The following METTL25 variants were observed in gnomAD, a reference collection of about 807,000 sequenced individuals.
The protein encoded by METTL25 is probable methyltransferase-like protein 25.
In METTL25, 64 loss-of-function variants were observed where a neutral mutation model predicts 71.6. That is an observed-to-expected ratio of 0.89 (90% confidence interval 0.73 to 1.10). The LOEUF is 1.10. METTL25 is among the 50% of genes least tolerant of loss of function. METTL25 has a pLI of 0.00. For synonymous variants in METTL25, 287 were observed against 250.3 expected (o/e 1.15, Z -1.38); for missense variants, 807 against 707.0 (o/e 1.14, Z -1.60).
chr12:82,384,374 G>GCTCT (rs57771205), intron 1 of METTL25, among the ~76,000 whole-genome samples: 4,145 of 134,246 alleles, frequency 0.031, 74 homozygotes, highest in East Asian at 0.081. Flanking sequence ...ATCATAAACA[G>GCTCT]CTCTCTCTCT....
chr12:82,427,918 A>G (rs963753746), intron 5 of METTL25, among the ~76,000 whole-genome samples: 2 of 151,984 alleles, frequency 1.3e-5, no homozygotes, highest in African/African-American at 2.4e-5. Flanking sequence ...AACAAGACAC[A>G]GGGACATTTA....
chr12:82,361,999 G>C (rs1380755111), intron 1 of METTL25, among the ~76,000 whole-genome samples: 1 of 152,226 alleles, frequency 6.6e-6, no homozygotes, highest in East Asian at 1.9e-4. Context: ...TTTGTGAGGA[G>C]TTACAAGTAA....
intron 2 of METTL25, 25 bp from the exon 3 acceptor site, chr12:82,389,791 C>A (rs2136958652): frequency 7.5e-7 from 1 of 1,326,876 alleles, no homozygotes; most frequent in Non-Finnish European, 1.1e-6. Flanking sequence ...TCTTTAATAG[C>A]AGTTTTTACT....
At chr12:82,380,045 T>G (rs1173817233) in intron 1 of METTL25, among the ~76,000 whole-genome samples, 3 of 152,214 alleles carry the variant, frequency 2.0e-5, no homozygotes, top group Admixed American at 2.0e-4. Flanking sequence ...TTTGGAAAGT[T>G]GATCCAATTG....
intron 1 of METTL25, among the ~76,000 whole-genome samples, chr12:82,371,970 G>A (rs1371939144): frequency 6.6e-6 from 1 of 152,116 alleles, no homozygotes; most frequent in African/African-American, 2.4e-5. Flanking sequence ...TACTGGGGAC[G>A]GCTTGCTGAC....
chr12:82,382,912 G>C (rs537917780), intron 1 of METTL25, among the ~76,000 whole-genome samples: 6 of 152,102 alleles, frequency 3.9e-5, no homozygotes, highest in Non-Finnish European at 7.4e-5. Flanking sequence ...GTCTTGCTAT[G>C]TTGCCCAGGC....
At chr12:82,424,240 T>C (rs1397093935) in intron 5 of METTL25, among the ~76,000 whole-genome samples, 2 of 152,154 alleles carry the variant, frequency 1.3e-5, no homozygotes, top group East Asian at 1.9e-4. Flanking sequence ...TTTGTAGGGA[T>C]ATGGATGAAG....
Position 82,460,882 on chromosome 12 carries a change from G to T in METTL25, c.1572+4062G>T, listed in dbSNP as rs147261235. Among the ~76,000 whole-genome samples the T allele has an allele frequency of 4.4e-3, 670 of 152,300 alleles. 8 individuals are homozygous for T. Among genetic ancestry groups the T allele is most frequent in the African/African-American group, 0.015 (629 of 41,572 alleles). The stretch of plus-strand genomic sequence containing the variant: ...TTGTAGGCCGGGCGCGGTAGCTCAC[G>T]CCTGTAATCCCAGCACTTTGGGAGG... On this transcript the variant is annotated intron_variant, in intron 9 of 11. Transcript: ENST00000248306.
intron 8 of METTL25, among the ~76,000 whole-genome samples, chr12:82,452,410 G>T (rs1891214355): frequency 6.6e-6 from 1 of 152,184 alleles, no homozygotes; most frequent in Admixed American, 6.5e-5. Context: ...GGCTGAAGCA[G>T]GAGAATCACT....
At chr12:82,433,447 A>G (rs76100615) in intron 6 of METTL25, among the ~76,000 whole-genome samples, 1 of 151,642 alleles carries the variant, frequency 6.6e-6, no homozygotes, top group Non-Finnish European at 1.5e-5. Context: ...ACTTGGCTGT[A>G]GATGTTCAGT....
At chr12:82,430,818 C>A in intron 5 of METTL25, 75 bp from the exon 6 acceptor site, 1 of 784,122 alleles carries the variant, frequency 1.3e-6, no homozygotes, top group South Asian at 1.8e-5. Context: ...GATTTGCTTT[C>A]TTGGTAGATT....
At chr12:82,455,406 C>G (rs1050333378) in intron 8 of METTL25, among the ~76,000 whole-genome samples, 1 of 151,802 alleles carries the variant, frequency 6.6e-6, no homozygotes, top group Non-Finnish European at 1.5e-5. Context: ...TTTCTGCCTT[C>G]TGGAACCTAT....
At chr12:82,367,982 T>A (rs1356712364) in intron 1 of METTL25, among the ~76,000 whole-genome samples, 3 of 152,146 alleles carry the variant, frequency 2.0e-5, no homozygotes, top group Non-Finnish European at 2.9e-5. Flanking sequence ...GAATCCTAAT[T>A]CTTGTCTGAA....
intron 9 of METTL25, among the ~76,000 whole-genome samples, chr12:82,473,563 G>A (rs565978157): frequency 2.6e-5 from 4 of 152,298 alleles, no homozygotes; most frequent in East Asian, 3.9e-4. Context: ...GGGGCAGCCT[G>A]TAGGGCTGTT....
chr12:82,372,149 G>T (rs950008561), intron 1 of METTL25, among the ~76,000 whole-genome samples: 1 of 152,250 alleles, frequency 6.6e-6, no homozygotes, highest in Non-Finnish European at 1.5e-5. Flanking sequence ...CTAAAGGTTT[G>T]CCCTAGACCC....
chr12:82,406,902 G>A (rs1051447944), intron 5 of METTL25, among the ~76,000 whole-genome samples: 9 of 151,988 alleles, frequency 5.9e-5, no homozygotes, highest in Non-Finnish European at 8.8e-5. Flanking sequence ...AATAAACAAA[G>A]GCATGCAGTG....
intron 11 of METTL25, 110 bp downstream of exon 11, chr12:82,477,462 T>A (rs1892941146): frequency 1.4e-5 from 7 of 489,964 alleles, no homozygotes; most frequent in South Asian, 8.6e-5. Context: ...TAAGAAAATT[T>A]TTCTCATTAT....
At chr12:82,408,081 C>T (rs1887241121) in intron 5 of METTL25, 1 of 326,746 alleles carries the variant, frequency 3.1e-6, no homozygotes, top group African/African-American at 2.3e-5. Flanking sequence ...AATCTCTAGG[C>T]ATAGGACTTG....
At chr12:82,373,531 C>T (rs938336206) in intron 1 of METTL25, among the ~76,000 whole-genome samples, 15 of 152,128 alleles carry the variant, frequency 9.9e-5, no homozygotes, top group African/African-American at 3.1e-4. Flanking sequence ...AGAAGCGGGA[C>T]TAGCCTTGGA....
Sources: allele counts gnomAD v4.1 joint callset (sites outside exome capture counted in the v4.1 genomes callset), GRCh38; gene constraint gnomAD v4.1.1; transcripts MANE v1.5; gene names NCBI Gene and HGNC (gene_info 2026-07-23, HGNC 2026-07-21).